Variants in BAZ2B observed in about 807,000 individuals in gnomAD.
The protein encoded by BAZ2B is bromodomain adjacent to zinc finger domain protein 2B.
A neutral mutation model predicts 246.0 loss-of-function variants in BAZ2B; 91 were observed. The ratio of observed to expected loss-of-function variants is 0.37; its 90% CI spans 0.31 to 0.44. The LOEUF (loss-of-function observed/expected upper bound fraction) is 0.44, where lower values mean the gene tolerates loss of function less well. BAZ2B is among the 20% of genes least tolerant of loss of function. BAZ2B has a pLI of 1.00. For missense variants in BAZ2B, 2,332 were observed against 2,533.7 expected (o/e 0.92, Z 1.71); for synonymous variants, 855 against 860.0 (o/e 0.99, Z 0.10).
At chr2:159,570,061 A>G (rs1218667319) in intron 1 of BAZ2B, among the ~76,000 whole-genome samples, 1 of 152,242 alleles carries the variant, frequency 6.6e-6, no homozygotes, top group East Asian at 1.9e-4. Context: ...CCTCTGAGGT[A>G]CAATACCAGT....
chr2:159,538,928 A>G (rs1280777539), intron 2 of BAZ2B, among the ~76,000 whole-genome samples: 3 of 152,248 alleles, frequency 2.0e-5, no homozygotes, highest in African/African-American at 4.8e-5. Context: ...CAACTTTTCC[A>G]TGTGTCTTAA....
At chr2:159,706,361 T>G in the BAZ2B span, among the ~76,000 whole-genome samples, 1 of 152,142 alleles carries the variant, frequency 6.6e-6, no homozygotes, top group South Asian at 2.1e-4. Context: ...GAAAAAAAAT[T>G]TAAGATAAAA....
At chr2:159,475,282 C>G (rs2078377569) in intron 3 of BAZ2B, among the ~76,000 whole-genome samples, 1 of 152,114 alleles carries the variant, frequency 6.6e-6, no homozygotes, top group African/African-American at 2.4e-5. Flanking sequence ...ATCTTGTCTT[C>G]ATGCTTTATT....
At chr2:159,635,139 G>C in the BAZ2B span, among the ~76,000 whole-genome samples, 2 of 152,170 alleles carry the variant, frequency 1.3e-5, no homozygotes, top group Non-Finnish European at 2.9e-5. Context: ...AGCTGTTTGA[G>C]ATTTTCTGGG....
In BAZ2B at chr2:159,337,029, T is replaced by C; in HGVS notation, c.5709A>G (p.Leu1903=). ...APGLRVWRRA[L]SEARSAAQVA... is the part of the protein sequence containing the mutation. ...CCTGTGCAGCACTGCGAGCTTCTGA[T>C]AATGCCCTTCTCCATACCCTGAGCC... Residue 1903 remains leucine, a synonymous_variant, in exon 33 of 37, where the codon TTA becomes TTG. Transcript: ENST00000392783. 6.2e-7 allele frequency: 1 copy of C among 1,612,810 alleles called. No individual in the cohort carries two copies. The highest frequency in any genetic ancestry group is 1.3e-5 in the African/African-American group (1 of 75,020).
chr2:159,414,879 GA>G (rs1009743066), intron 13 of BAZ2B, among the ~76,000 whole-genome samples: 4 of 151,366 alleles, frequency 2.6e-5, no homozygotes, highest in African/African-American at 9.7e-5. Context: ...TCACAACAAT[GA>G]AAAAAATTAA....
At chr2:159,585,029 T>C (rs187959228) in intron 1 of BAZ2B, among the ~76,000 whole-genome samples, 40 of 152,314 alleles carry the variant, frequency 2.6e-4, no homozygotes, top group African/African-American at 9.1e-4. Context: ...TGCAGAACCA[T>C]AAGCCACTTA....
Position 159,320,165 on chromosome 2 carries a change from C to A in BAZ2B, c.*100G>T. The A allele has an allele frequency of 9.5e-7, 1 of 1,048,262 alleles. No homozygotes were observed. The highest frequency in any genetic ancestry group is 3.2e-5 in the South Asian group (1 of 31,152). The allele number at this position is 1,048,262 out of a possible 1,614,324, so 64.9% of individuals were successfully genotyped here. ...TTTTATACTTAAGGAAAAAGAAAGT[C>A]ATTATGTATGTGCCTTGCACGTTTA... is the stretch of plus-strand genomic sequence containing the variant. On this transcript the variant is annotated 3_prime_UTR_variant, in exon 37 of 37. Coordinates refer to ENST00000392783, the MANE Select transcript of BAZ2B (RefSeq NM_013450.4).
chr2:159,489,542 C>T (rs1401748502), intron 2 of BAZ2B, among the ~76,000 whole-genome samples: 2 of 152,062 alleles, frequency 1.3e-5, no homozygotes, highest in Non-Finnish European at 2.9e-5. Context: ...TGGTTAAAGA[C>T]ATAAAAACCT....
intron 2 of BAZ2B, among the ~76,000 whole-genome samples, chr2:159,547,436 A>G (rs2087529018): frequency 6.6e-6 from 1 of 152,196 alleles, no homozygotes; most frequent in Admixed American, 6.5e-5. Flanking sequence ...ATTTATATAA[A>G]AAGAACAAAG....
At chr2:159,595,958 G>A (rs1204492478) in intron 1 of BAZ2B, among the ~76,000 whole-genome samples, 1 of 151,774 alleles carries the variant, frequency 6.6e-6, no homozygotes, top group African/African-American at 2.4e-5. Flanking sequence ...GAGTCTCTGA[G>A]CTTACTCTGG....
chr2:159,355,074 T>C (rs934534082), intron 27 of BAZ2B, among the ~76,000 whole-genome samples: 2 of 152,210 alleles, frequency 1.3e-5, no homozygotes, highest in Non-Finnish European at 2.9e-5. Flanking sequence ...CAGTGAACCA[T>C]CTTTCCTTTG....
the BAZ2B span, among the ~76,000 whole-genome samples, chr2:159,674,352 A>T: frequency 1.3e-5 from 2 of 148,388 alleles, no homozygotes; most frequent in Non-Finnish European, 3.0e-5. Flanking sequence ...AAAAAAAAAG[A>T]AAGAAAGAAA....
At chr2:159,428,783 A>G (rs1471235955) in intron 11 of BAZ2B, among the ~76,000 whole-genome samples, 2 of 152,152 alleles carry the variant, frequency 1.3e-5, no homozygotes, top group East Asian at 3.8e-4. Context: ...GTTCACGTAC[A>G]TCCAGTCTAA....
intron 2 of BAZ2B, among the ~76,000 whole-genome samples, chr2:159,480,985 T>A (rs994867947): frequency 6.6e-6 from 1 of 152,098 alleles, no homozygotes; most frequent in African/African-American, 2.4e-5. Context: ...CTTAAGTAGT[T>A]GTTGTTTTTA....
At chr2:159,675,524 CAAAG>C in the BAZ2B span, among the ~76,000 whole-genome samples, 12 of 151,920 alleles carry the variant, frequency 7.9e-5, no homozygotes, top group African/African-American at 2.9e-4. Context: ...ATTGTGAAAC[CAAAG>C]AAAGACAATC....
chr2:159,404,908 T>G lies in BAZ2B; in HGVS notation c.2773A>C (p.Ile925Leu). The change falls in exon 16 of 37, where the codon ATA becomes CTA. Residue 925 changes from isoleucine (I) to leucine (L), a missense_variant and splice_region_variant. By Grantham distance (5) the Ile-to-Leu change is conservative. Around this residue, in one of 9 missense-constraint regions of BAZ2B, gnomAD observed 651 missense variants for 650.9 expected, o/e 1.00. Coordinates refer to ENST00000392783, the MANE Select transcript of BAZ2B (RefSeq NM_013450.4). ...TTCCGCTTCTCCTCAGCAGCCATTA[T>G]TGCTACAAGAAACCAAAGGATAGAT... The part of the protein sequence containing the change: ...VAKEAKKQQA[I>L]MAAEEKRKQK... The G allele has an allele frequency of 6.2e-7, 1 of 1,613,664 alleles. No individual in the cohort carries two copies. Among genetic ancestry groups the G allele is most frequent in the Non-Finnish European group, 8.5e-7 (1 of 1,179,950 alleles).
At chr2:159,383,506 G>T (rs2062252697) in intron 24 of BAZ2B, 100 bp downstream of exon 24, 2 of 1,014,172 alleles carry the variant, frequency 2.0e-6, no homozygotes, top group Admixed American at 2.5e-5. Flanking sequence ...CTTTTCTTTA[G>T]ACAATAAAAG....
chr2:159,692,576 C>T, the BAZ2B span, among the ~76,000 whole-genome samples: 1 of 152,032 alleles, frequency 6.6e-6, no homozygotes, highest in Non-Finnish European at 1.5e-5. Context: ...AGAATCTGGG[C>T]ATGGTGGCAC....
Sources: gnomAD v4.1 joint callset for allele counts (sites outside exome capture counted in the v4.1 genomes callset) on GRCh38, gnomAD v4.1.1 for gene constraint, gnomAD v4.1.1 regional missense constraint, MANE v1.5 for transcripts, NCBI Gene and HGNC (gene_info 2026-07-23, HGNC 2026-07-21) for gene names.